Variants in TLN2 observed in about 807,000 individuals in gnomAD.
The protein encoded by TLN2 is talin-2.
Under a neutral mutation model 294.7 loss-of-function variants are expected in TLN2, and 118 were observed. That is an observed-to-expected ratio of 0.40 (90% CI 0.34 to 0.47). TLN2 has a LOEUF of 0.47. TLN2 is among the 20% of genes least tolerant of loss of function. TLN2 has a pLI of 0.84. For missense variants in TLN2, 3,083 were observed against 3,282.2 expected (o/e 0.94, Z 1.48); for synonymous variants, 1,431 against 1,304.5 (o/e 1.10, Z -2.09).
chr15:62,484,435 CT>C (rs950205879), intron 1 of TLN2, among the ~76,000 whole-genome samples: 169 of 149,246 alleles, frequency 1.1e-3, no homozygotes, highest in African/African-American at 4.0e-3. Flanking sequence ...TTTTTTTTTT[CT>C]TTTTTTTGAG....
intron 1 of TLN2, among the ~76,000 whole-genome samples, chr15:62,440,133 T>G (rs950039629): frequency 2.6e-5 from 4 of 152,206 alleles, no homozygotes; most frequent in Non-Finnish European, 5.9e-5. Context: ...TATCCCAGGT[T>G]CGTTTTATAC....
intron 3 of TLN2, among the ~76,000 whole-genome samples, chr15:62,639,793 G>A (rs1409871018): frequency 6.6e-6 from 1 of 152,206 alleles, no homozygotes; most frequent in Admixed American, 6.5e-5. Context: ...AGATAACCAG[G>A]TCCCAGTGGG....
At chr15:62,528,670 CTTTTTTTTTTT>C (rs3055755) in intron 1 of TLN2, among the ~76,000 whole-genome samples, 5 of 96,776 alleles carry the variant, frequency 5.2e-5, no homozygotes, top group African/African-American at 2.1e-4. Flanking sequence ...CCAGAGCTTG[CTTTTTTTTTTT>C]TTTTTTTTTG....
intron 1 of TLN2, among the ~76,000 whole-genome samples, chr15:62,533,027 G>A (rs1176661179): frequency 2.6e-5 from 4 of 152,074 alleles, no homozygotes; most frequent in African/African-American, 9.7e-5. Context: ...GCCGAGGCAG[G>A]CGCATCGCTT....
At chr15:62,402,838 C>T (rs546832585) in intron 1 of TLN2, among the ~76,000 whole-genome samples, 1 of 152,210 alleles carries the variant, frequency 6.6e-6, no homozygotes, top group African/African-American at 2.4e-5. Context: ...ATCCTGTCCT[C>T]TCTTGGCTTT....
At chr15:62,662,303 A>T (rs945928285) in intron 9 of TLN2, among the ~76,000 whole-genome samples, 1 of 152,196 alleles carries the variant, frequency 6.6e-6, no homozygotes, top group African/African-American at 2.4e-5. Context: ...TACAATCTTG[A>T]AAGAAATTGA....
intron 45 of TLN2, among the ~76,000 whole-genome samples, chr15:62,789,888 G>A (rs1024111556): frequency 6.6e-5 from 10 of 152,180 alleles, no homozygotes; most frequent in African/African-American, 1.9e-4. Flanking sequence ...AGGAAAACCC[G>A]CCTTGCTGTC....
intron 3 of TLN2, among the ~76,000 whole-genome samples, chr15:62,631,983 C>A (rs2049943060): frequency 6.6e-6 from 1 of 152,112 alleles, no homozygotes; most frequent in African/African-American, 2.4e-5. Context: ...ATGTGCGAGC[C>A]CACAAGGATC....
intron 1 of TLN2, among the ~76,000 whole-genome samples, chr15:62,554,419 G>C (rs898427773): frequency 6.6e-6 from 1 of 150,814 alleles, no homozygotes; most frequent in Non-Finnish European, 1.5e-5. Flanking sequence ...ATACCAGAAA[G>C]CTGTAGTTTT....
chr15:62,562,953 CA>C lies in TLN2; in HGVS notation c.-237-26733del, dbSNP rs1275837791. 1.9e-4 allele frequency among the ~76,000 whole-genome samples: 27 copies of C among 143,324 alleles called. 1 individual carries two copies. The highest frequency in any genetic ancestry group is 7.0e-4 in the African/African-American group (27 of 38,782). 94.0% of individuals were successfully genotyped at this position (143,324 alleles called of 152,430 possible). On this transcript the variant is annotated intron_variant, in intron 1 of 58. Transcript: ENST00000636159. The stretch of plus-strand genomic sequence containing the variant: ...ACACACACACACACACACACACACA[CA>C]CACACACACACACACACCAGTTTCT...
intron 1 of TLN2, among the ~76,000 whole-genome samples, chr15:62,432,226 T>G (rs534585980): frequency 6.6e-6 from 1 of 152,358 alleles, no homozygotes; most frequent in Admixed American, 6.5e-5. Context: ...AGTAATCCTC[T>G]AATTGAAGAC....
intron 1 of TLN2, among the ~76,000 whole-genome samples, chr15:62,573,255 T>G (rs1453860586): frequency 6.6e-6 from 1 of 152,120 alleles, no homozygotes; most frequent in Non-Finnish European, 1.5e-5. Flanking sequence ...GTCTTCTCAC[T>G]CTGGCAGCCA....
chr15:62,475,921 A>AGACTT (rs1324608774), intron 1 of TLN2, among the ~76,000 whole-genome samples: 1 of 152,234 alleles, frequency 6.6e-6, no homozygotes, highest in Non-Finnish European at 1.5e-5. Flanking sequence ...TAAGCTTTAT[A>AGACTT]GACTTGATTC....
intron 54 of TLN2, among the ~76,000 whole-genome samples, chr15:62,821,195 G>A (rs1336333119): frequency 1.3e-5 from 2 of 152,252 alleles, no homozygotes; most frequent in African/African-American, 2.4e-5. Context: ...GCAGGAGGAA[G>A]GACACTTTCT....
At chr15:62,568,844 A>G (rs2043625300) in intron 1 of TLN2, among the ~76,000 whole-genome samples, 1 of 152,172 alleles carries the variant, frequency 6.6e-6, no homozygotes, top group South Asian at 2.1e-4. Context: ...GTCCTTCCAG[A>G]ATCTCGAGGC....
chr15:62,595,061 C>G (rs1463534167), intron 2 of TLN2, among the ~76,000 whole-genome samples: 3 of 152,136 alleles, frequency 2.0e-5, no homozygotes, highest in Non-Finnish European at 4.4e-5. Context: ...CACTAATCAT[C>G]AGGGAAATGA....
chr15:62,632,823 A>G (rs925950211), intron 3 of TLN2, among the ~76,000 whole-genome samples: 13 of 152,176 alleles, frequency 8.5e-5, no homozygotes, highest in Non-Finnish European at 1.6e-4. Flanking sequence ...AGACTCCACA[A>G]ATCTGCCTCC....
intron 27 of TLN2, among the ~76,000 whole-genome samples, chr15:62,725,328 C>G (rs998976356): frequency 3.3e-5 from 5 of 152,108 alleles, no homozygotes; most frequent in Admixed American, 3.3e-4. Flanking sequence ...TGCACGCGTC[C>G]CATATCTCCT....
chr15:62,455,203 C>T (rs918004970), intron 1 of TLN2, among the ~76,000 whole-genome samples: 1 of 151,996 alleles, frequency 6.6e-6, no homozygotes, highest in Non-Finnish European at 1.5e-5. Flanking sequence ...GCAGTGAGTC[C>T]CCGACTCTTC....
Sources: allele counts gnomAD v4.1 joint callset (sites outside exome capture counted in the v4.1 genomes callset), GRCh38; gene constraint gnomAD v4.1.1; transcripts MANE v1.5; gene names NCBI Gene and HGNC (gene_info 2026-07-23, HGNC 2026-07-21).